The following PSD3 variants were observed in gnomAD, a reference collection of about 807,000 sequenced individuals.
PSD3 encodes the protein pleckstrin and Sec7 domain containing 3.
A neutral mutation model predicts 105.5 loss-of-function variants in PSD3; 49 were observed. The ratio of observed to expected loss-of-function variants is 0.46; its 90% CI spans 0.37 to 0.59. The LOEUF is 0.59. Among genes scored for constraint, PSD3 ranks in the 20% least tolerant of loss-of-function variants. The pLI, the probability that PSD3 is intolerant of heterozygous loss-of-function variation, is 0.00. For missense variants in PSD3, 1,561 were observed against 1,263.8 expected (o/e 1.24, Z -3.57); for synonymous variants, 557 against 457.8 (o/e 1.22, Z -2.77).
At chr8:18,865,243 TA>T (rs1563359662) in intron 4 of PSD3, 3 of 2,844 alleles carry the variant, frequency 1.1e-3, no homozygotes, top group Non-Finnish European at 1.5e-3. Context: ...TATATATATA[TA>T]TATATATATA....
chr8:18,583,888 C>T (rs184076815), intron 12 of PSD3, among the ~76,000 whole-genome samples: 5 of 152,264 alleles, frequency 3.3e-5, no homozygotes, highest in East Asian at 1.9e-4. Context: ...TTCTAGAAGA[C>T]GGGCAAAGTC....
In PSD3 at chr8:19,074,652, G is replaced by A. The variant is rs372792031; in HGVS notation, c.324+9554C>T. On this transcript the variant is annotated intron_variant, in intron 1 of 1. Coordinates refer to the PSD3 transcript ENST00000521475. ...TTTTTTTTTTTTGAGATGGAGTCTC[G>A]CTCTGTGGCCCAGGCTGGAGTGCAG... 4.4e-4 allele frequency among the ~76,000 whole-genome samples: 48 copies of A among 109,102 alleles called. No homozygotes were observed. In the East Asian group the frequency reaches 8.5e-3, roughly 19 times the overall value. The allele number at this position is 109,102 out of a possible 152,430, so 71.6% of individuals were successfully genotyped here. A position where few individuals can be genotyped will look rare whatever the true frequency, so the allele number is the denominator to read the frequency against.
At chr8:18,846,687 C>T (rs962937545) in intron 4 of PSD3, among the ~76,000 whole-genome samples, 16 of 152,268 alleles carry the variant, frequency 1.1e-4, no homozygotes, top group African/African-American at 3.6e-4. Flanking sequence ...TAAAAGACGG[C>T]CTCTGCCTGG....
intron 2 of PSD3, among the ~76,000 whole-genome samples, chr8:18,915,114 C>T (rs12550063): frequency 0.049 from 7,488 of 152,056 alleles, 208 homozygotes; most frequent in Admixed American, 0.081. Flanking sequence ...CATCAATGAA[C>T]AGTGCTGGGA....
intron 11 of PSD3, among the ~76,000 whole-genome samples, chr8:18,621,380 C>A (rs1211324170): frequency 6.6e-6 from 1 of 152,150 alleles, no homozygotes; most frequent in East Asian, 1.9e-4. Flanking sequence ...TGCACTCCAG[C>A]CTGGGCAACA....
intron 9 of PSD3, among the ~76,000 whole-genome samples, chr8:18,667,446 A>C (rs1161741423): frequency 1.3e-5 from 2 of 152,198 alleles, no homozygotes; most frequent in Non-Finnish European, 2.9e-5. Context: ...GCCCTTAGCT[A>C]GACATGAAGA....
chr8:18,948,080 A>G (rs1304385406), intron 1 of PSD3, among the ~76,000 whole-genome samples: 1 of 152,174 alleles, frequency 6.6e-6, no homozygotes, highest in African/African-American at 2.4e-5. Context: ...CAGTAATGAC[A>G]GACTGAGAAG....
intron 9 of PSD3, among the ~76,000 whole-genome samples, chr8:18,738,952 T>C (rs1804356874): frequency 6.6e-6 from 1 of 152,156 alleles, no homozygotes; most frequent in Non-Finnish European, 1.5e-5. Context: ...GACAAAAAAA[T>C]ACCACAAGGA....
intron 2 of PSD3, among the ~76,000 whole-genome samples, chr8:18,932,235 G>A (rs1280741103): frequency 6.6e-6 from 1 of 152,194 alleles, no homozygotes; most frequent in Non-Finnish European, 1.5e-5. Flanking sequence ...GAGGCTCAGT[G>A]TTGTCCACAG....
chr8:18,601,497 G>A (rs1222987997), intron 11 of PSD3, among the ~76,000 whole-genome samples: 1 of 152,084 alleles, frequency 6.6e-6, no homozygotes, highest in East Asian at 1.9e-4. Flanking sequence ...GAATACTCAA[G>A]AATTCTTAGA....
intron 9 of PSD3, among the ~76,000 whole-genome samples, chr8:18,710,956 T>A (rs1260658439): frequency 1.3e-5 from 2 of 152,202 alleles, no homozygotes; most frequent in South Asian, 4.1e-4. Flanking sequence ...GTTCTGGGAT[T>A]ACAGGCATGA....
intron 9 of PSD3, among the ~76,000 whole-genome samples, chr8:18,739,855 T>C (rs1804424949): frequency 6.6e-6 from 1 of 152,240 alleles, no homozygotes; most frequent in African/African-American, 2.4e-5. Context: ...ATAGTATCTG[T>C]CTTCATCAGT....
chr8:18,570,719 A>G (rs1162971199), intron 14 of PSD3, among the ~76,000 whole-genome samples: 1 of 151,734 alleles, frequency 6.6e-6, no homozygotes, highest in Non-Finnish European at 1.5e-5. Flanking sequence ...AACACATGAA[A>G]AAATGCTCAT....
At chr8:18,705,366 C>G (rs886918438) in intron 9 of PSD3, among the ~76,000 whole-genome samples, 2 of 151,310 alleles carry the variant, frequency 1.3e-5, no homozygotes, top group Non-Finnish European at 2.9e-5. Flanking sequence ...GGTGCCTATA[C>G]AAAAAAATAG....
At chr8:18,930,740 T>G (rs764670154) in intron 2 of PSD3, among the ~76,000 whole-genome samples, 45 of 152,174 alleles carry the variant, frequency 3.0e-4, no homozygotes, top group Non-Finnish European at 5.6e-4. Context: ...TAGCTATTTT[T>G]TTTATTTTTA....
rs150249464 is a variant in PSD3, at chr8:18,847,373, G to A, written c.1634+20301C>T. Among the ~76,000 whole-genome samples, 431 of 152,270 alleles carry A rather than the reference G, an allele frequency of 2.8e-3. 1 individual carries two copies. Among genetic ancestry groups the A allele is most frequent in the African/African-American group, 1.0e-2 (414 of 41,550 alleles). On this transcript the variant is annotated intron_variant, in intron 4 of 15. Transcript: ENST00000327040. ...ACAATGCAAAACGTCAAGCTGTGTAGGCAGCCCAGGAAGACTGCAAACCAG... is the reference window on the plus strand; with the variant it reads ...ACAATGCAAAACGTCAAGCTGTGTAAGCAGCCCAGGAAGACTGCAAACCAG...
intron 1 of PSD3, among the ~76,000 whole-genome samples, chr8:19,063,465 T>G (rs1828969226): frequency 6.6e-6 from 1 of 152,184 alleles, no homozygotes; most frequent in Non-Finnish European, 1.5e-5. Context: ...GCTTTCGATT[T>G]CCTTAGCGCC....
chr8:19,017,054 T>G (rs1479806935), upstream of PSD3, among the ~76,000 whole-genome samples: 1 of 121,278 alleles, frequency 8.2e-6, no homozygotes, highest in Non-Finnish European at 2.0e-5. Context: ...TACATACTTT[T>G]TTTTTTTTTT....
chr8:18,629,869 C>A (rs1806767396), intron 11 of PSD3, among the ~76,000 whole-genome samples: 1 of 151,896 alleles, frequency 6.6e-6, no homozygotes, highest in African/African-American at 2.4e-5. Flanking sequence ...TTATTAGAAA[C>A]CATGCACATT....
Sources: gnomAD v4.1 joint callset for allele counts (sites outside exome capture counted in the v4.1 genomes callset) on GRCh38, gnomAD v4.1.1 for gene constraint, MANE v1.5 for transcripts, NCBI Gene and HGNC (gene_info 2026-07-23, HGNC 2026-07-21) for gene names.